ZFHX3: variants seen among roughly 807,000 people sequenced by gnomAD.
ZFHX3 encodes the protein zinc finger homeobox protein 3.
In ZFHX3, 42 loss-of-function variants were observed where a neutral mutation model predicts 279.1. The observed-to-expected ratio is 0.15, with a 90% CI of 0.12 to 0.19. The LOEUF (loss-of-function observed/expected upper bound fraction) is 0.19. Among genes scored for constraint, ZFHX3 ranks in the 10% least tolerant of loss-of-function variants. The probability of loss-of-function intolerance (pLI) is 1.00; values close to 1 mark genes in which losing one functional copy is unlikely to be tolerated. For synonymous variants in ZFHX3, 2,293 were observed against 1,957.8 expected (o/e 1.17, Z -4.52); for missense variants, 4,981 against 4,754.0 (o/e 1.05, Z -1.40).
intron 2 of ZFHX3, among the ~76,000 whole-genome samples, chr16:73,553,325 T>C (rs2020229275): frequency 6.6e-6 from 1 of 152,142 alleles, no homozygotes; most frequent in Non-Finnish European, 1.5e-5. Flanking sequence ...TCTAGCTCTC[T>C]AGAGGTCACA....
intron 3 of ZFHX3, among the ~76,000 whole-genome samples, chr16:73,421,580 C>T (rs150092511): frequency 6.6e-6 from 1 of 152,270 alleles, no homozygotes; most frequent in East Asian, 1.9e-4. Context: ...AAATGTACAA[C>T]ATTTTATGCC....
intron 2 of ZFHX3, among the ~76,000 whole-genome samples, chr16:72,957,122 T>C (rs1961287122): frequency 6.6e-6 from 1 of 152,150 alleles, no homozygotes; most frequent in African/African-American, 2.4e-5. Context: ...ATTTTTCAAA[T>C]TGAAAGAAGA....
intron 1 of ZFHX3, among the ~76,000 whole-genome samples, chr16:73,879,265 G>T: frequency 1.4e-5 from 2 of 144,766 alleles, no homozygotes; most frequent in African/African-American, 2.6e-5. Context: ...GACTACCATC[G>T]TGGTCAGGAG....
At chr16:73,876,983 G>A (rs2029969276) in intron 1 of ZFHX3, among the ~76,000 whole-genome samples, 1 of 151,232 alleles carries the variant, frequency 6.6e-6, no homozygotes, top group Non-Finnish European at 1.5e-5. Context: ...TATGATACGA[G>A]TGAGAAATCA....
intron 5 of ZFHX3, among the ~76,000 whole-genome samples, chr16:73,202,463 T>C (rs190531114): frequency 6.6e-6 from 1 of 152,218 alleles, no homozygotes; most frequent in Admixed American, 6.5e-5. Context: ...AGCCCAGCCA[T>C]ATGGCCAGTT....
chr16:73,532,636 T>G (rs187744830), intron 2 of ZFHX3, among the ~76,000 whole-genome samples: 1 of 152,302 alleles, frequency 6.6e-6, no homozygotes, highest in Admixed American at 6.5e-5. Context: ...AGTGTAGCCT[T>G]AGTCAACTAA....
chr16:73,129,496 T>TC (rs1966635039), intron 7 of ZFHX3, among the ~76,000 whole-genome samples: 2 of 152,012 alleles, frequency 1.3e-5, no homozygotes, highest in East Asian at 3.9e-4. Flanking sequence ...GTAACAGCCT[T>TC]CTATGTACCT....
intron 2 of ZFHX3, among the ~76,000 whole-genome samples, chr16:73,496,386 C>T (rs1329638735): frequency 6.6e-6 from 1 of 152,136 alleles, no homozygotes; most frequent in Non-Finnish European, 1.5e-5. Context: ...CAAAATTTAG[C>T]AAGGCATGGT....
chr16:73,363,162 C>A (rs1260489909), intron 3 of ZFHX3, among the ~76,000 whole-genome samples: 1 of 152,194 alleles, frequency 6.6e-6, no homozygotes, highest in African/African-American at 2.4e-5. Context: ...CCCCAGCCAA[C>A]CTACCATTTC....
intron 2 of ZFHX3, among the ~76,000 whole-genome samples, chr16:73,512,571 G>C (rs1332951971): frequency 6.6e-6 from 1 of 151,296 alleles, no homozygotes; most frequent in Admixed American, 6.6e-5. Context: ...GAACAGAACA[G>C]TTGGAAAAGG....
chr16:73,739,779 C>T (rs185628619), intron 1 of ZFHX3, among the ~76,000 whole-genome samples: 5 of 152,284 alleles, frequency 3.3e-5, no homozygotes, highest in Admixed American at 6.5e-5. Flanking sequence ...TGGTCCAGGC[C>T]GTGATAAGGC....
intron 2 of ZFHX3, among the ~76,000 whole-genome samples, chr16:73,493,893 G>A (rs1002700467): frequency 2.0e-5 from 3 of 150,062 alleles, no homozygotes; most frequent in Middle Eastern, 3.4e-3. Flanking sequence ...TAGAATGCAC[G>A]ATAAAAAGCC....
At chr16:73,190,050 C>A (rs1257160917) in intron 5 of ZFHX3, among the ~76,000 whole-genome samples, 1 of 152,250 alleles carries the variant, frequency 6.6e-6, no homozygotes, top group Admixed American at 6.5e-5. Flanking sequence ...AAGTGCTCAG[C>A]GTCAGTGGTG....
chr16:73,495,742 G>A (rs779027257), intron 2 of ZFHX3, among the ~76,000 whole-genome samples: 27 of 152,212 alleles, frequency 1.8e-4, no homozygotes, highest in Non-Finnish European at 3.7e-4. Flanking sequence ...TTGACAAGAC[G>A]CCCATTTGAC....
rs116743548 is a variant in ZFHX3, at chr16:73,782,750, G to T, written c.-1607-102510C>A. On this transcript the variant is annotated intron_variant, in intron 1 of 17. Coordinates refer to the ZFHX3 transcript ENST00000641206. ...CTTGTCTGCAATAAAGGAAATCCTG[G>T]GTTCCAGGTTGTATGCTGCAAGATG... Among the ~76,000 whole-genome samples the T allele has an allele frequency of 2.5e-3, 378 of 152,302 alleles. 1 individual carries two copies. The highest frequency in any genetic ancestry group is 8.9e-3 in the African/African-American group (368 of 41,562).
intron 2 of ZFHX3, among the ~76,000 whole-genome samples, chr16:73,511,212 G>C (rs945186743): frequency 6.6e-6 from 1 of 152,204 alleles, no homozygotes; most frequent in African/African-American, 2.4e-5. Flanking sequence ...CAAGTTCCAG[G>C]TAGGATTCAG....
In ZFHX3 at chr16:72,958,788, G is replaced by C. The variant is rs780115611; in HGVS notation, c.1358C>G (p.Ser453Cys). 3 of 1,613,862 alleles carry C rather than the reference G, an allele frequency of 1.9e-6. No homozygotes were observed. In the Admixed American group the frequency reaches 5.0e-5, roughly 27 times the overall value. The change falls in exon 2 of 10, where the codon TCT becomes TGT. Residue 453 changes from serine to cysteine, a missense_variant. Transcript: ENST00000268489. ...KQEVGDGDCF[S>C]EKVEPAEEEA... ...CTCTTCGGCTGGCTCTACCTTCTCA[G>C]AGAAGCAATCCCCGTCGCCCACTTC...
chr16:72,937,619 T>C (rs1046191934), intron 3 of ZFHX3, among the ~76,000 whole-genome samples: 2 of 152,200 alleles, frequency 1.3e-5, no homozygotes, highest in African/African-American at 4.8e-5. Flanking sequence ...GTGACTTCCA[T>C]GAGTACAGGC....
At chr16:72,934,398 T>C (rs2144313406) in intron 3 of ZFHX3, among the ~76,000 whole-genome samples, 1 of 152,298 alleles carries the variant, frequency 6.6e-6, no homozygotes, top group Non-Finnish European at 1.5e-5. Flanking sequence ...ATTGCATTCC[T>C]GCCTGGGTGA....
Sources: gnomAD v4.1 joint callset for allele counts (sites outside exome capture counted in the v4.1 genomes callset) on GRCh38, gnomAD v4.1.1 for gene constraint, MANE v1.5 for transcripts, NCBI Gene and HGNC (gene_info 2026-07-23, HGNC 2026-07-21) for gene names.